Variants in EPM2A observed in about 807,000 individuals in gnomAD.
EPM2A encodes EPM2A glucan phosphatase, laforin, also known as laforin.
In EPM2A, 21 loss-of-function variants were observed where a neutral mutation model predicts 26.5. That is an observed-to-expected ratio of 0.79 (90% CI 0.56 to 1.14). The LOEUF (loss-of-function observed/expected upper bound fraction) is 1.14. EPM2A is among the 50% of genes most tolerant of loss of function. The pLI, the probability that EPM2A is intolerant of heterozygous loss-of-function variation, is 0.00. For synonymous variants in EPM2A, 217 were observed against 177.6 expected (o/e 1.22, Z -1.76); for missense variants, 458 against 440.8 (o/e 1.04, Z -0.35).
intron 2 of EPM2A, chr6:145,502,628 G>T: frequency 2.1e-6 from 1 of 469,992 alleles, no homozygotes. Flanking sequence ...CACAGTGCCA[G>T]CCTTGCTCAA....
intron 2 of EPM2A, among the ~76,000 whole-genome samples, chr6:145,566,708 T>C (rs181277322): frequency 2.2e-3 from 336 of 152,312 alleles, no homozygotes; most frequent in Non-Finnish European, 4.5e-3. Context: ...CCTTGCAAAA[T>C]GCCAGTAAAT....
At chr6:145,482,824 T>C (rs1779626311) in intron 4 of EPM2A, among the ~76,000 whole-genome samples, 1 of 151,998 alleles carries the variant, frequency 6.6e-6, no homozygotes, top group South Asian at 2.1e-4. Flanking sequence ...ATACTCTTTG[T>C]TTCATTGCAT....
intron 2 of EPM2A, among the ~76,000 whole-genome samples, chr6:145,651,214 A>G (rs950231616): frequency 6.6e-6 from 1 of 152,232 alleles, no homozygotes; most frequent in African/African-American, 2.4e-5. Context: ...TAGAGGAAAT[A>G]TAATTTAGTG....
intron 4 of EPM2A, among the ~76,000 whole-genome samples, chr6:145,401,652 A>G (rs1778492312): frequency 6.6e-6 from 1 of 152,088 alleles, no homozygotes; most frequent in Admixed American, 6.6e-5. Context: ...CATGGGCTGA[A>G]TCTCCATCAT....
intron 2 of EPM2A, among the ~76,000 whole-genome samples, chr6:145,580,445 G>T (rs913723712): frequency 2.0e-5 from 3 of 151,862 alleles, no homozygotes; most frequent in Non-Finnish European, 4.4e-5. Context: ...TTTAAGAATG[G>T]CATTTTATTT....
At chr6:145,477,348 C>T (rs1353174062) in intron 4 of EPM2A, among the ~76,000 whole-genome samples, 2 of 151,908 alleles carry the variant, frequency 1.3e-5, no homozygotes, top group Non-Finnish European at 2.9e-5. Context: ...TTCTACCAAA[C>T]ATTTAAAGAA....
intron 2 of EPM2A, among the ~76,000 whole-genome samples, chr6:145,614,233 G>A (rs988536259): frequency 6.6e-6 from 1 of 152,056 alleles, no homozygotes; most frequent in African/African-American, 2.4e-5. Context: ...CAACCTCCTC[G>A]CCTTTCTCAG....
At chr6:145,690,180 G>A (rs1002991606) in intron 1 of EPM2A, among the ~76,000 whole-genome samples, 5 of 152,216 alleles carry the variant, frequency 3.3e-5, no homozygotes, top group South Asian at 2.1e-4. Context: ...CTGGAGTGGT[G>A]TCAGAAGAAT....
intron 4 of EPM2A, among the ~76,000 whole-genome samples, chr6:145,475,366 G>T (rs1438855982): frequency 1.3e-5 from 2 of 152,136 alleles, no homozygotes; most frequent in Non-Finnish European, 2.9e-5. Flanking sequence ...AACAGGAACA[G>T]AAAACCGAAC....
intron 3 of EPM2A, chr6:145,631,065 T>C (rs541071356): frequency 6.6e-6 from 1 of 152,318 alleles, no homozygotes; most frequent in Admixed American, 6.5e-5. Context: ...TACCAGCCCA[T>C]GCTGCTGCTC....
At chr6:145,478,429 A>G (rs1779567914) in intron 4 of EPM2A, among the ~76,000 whole-genome samples, 1 of 151,824 alleles carries the variant, frequency 6.6e-6, no homozygotes, top group African/African-American at 2.4e-5. Flanking sequence ...AAAGAAAATT[A>G]TAAAATGTAT....
intron 4 of EPM2A, among the ~76,000 whole-genome samples, chr6:145,399,638 ACTT>A (rs1475397855): frequency 6.6e-6 from 1 of 152,082 alleles, no homozygotes; most frequent in Non-Finnish European, 1.5e-5. Context: ...CAATTTAGAG[ACTT>A]CTTCTGGCCC....
At chr6:145,489,866 C>G (rs751991905) in intron 4 of EPM2A, 12 of 1,412,382 alleles carry the variant, frequency 8.5e-6, no homozygotes, top group Non-Finnish European at 1.2e-5. Context: ...TTTATCCATT[C>G]AAAGTGAAGC....
At chr6:145,658,251 A>G (rs1289311263) in intron 2 of EPM2A, among the ~76,000 whole-genome samples, 1 of 152,182 alleles carries the variant, frequency 6.6e-6, no homozygotes. Context: ...TTTGCATTGT[A>G]TTTATAGATA....
At chr6:145,539,652 T>G (rs1354571925) in intron 2 of EPM2A, among the ~76,000 whole-genome samples, 2 of 152,302 alleles carry the variant, frequency 1.3e-5, no homozygotes, top group African/African-American at 2.4e-5. Context: ...TGAAAATTGA[T>G]GAAGGGACTA....
rs9497342 is a variant in EPM2A at position 145,547,627 on chromosome 6, T to G, written c.341-45052A>C. 7.7e-3 allele frequency among the ~76,000 whole-genome samples: 1,170 copies of G among 152,250 alleles called. 16 individuals carry two copies. Among genetic ancestry groups the G allele is most frequent in the African/African-American group, 0.027 (1,114 of 41,560 alleles). ...ATAATATATACCTTGTAAAATTATG[T>G]TACACATTTTTACTGTATAGGCTAC... On this transcript the variant is annotated intron_variant, in intron 2 of 3. Transcript: ENST00000450221.
rs931854223 is a variant in EPM2A at position 145,489,654 on chromosome 6, T to C, written c.555+12868A>G. 22 of 1,321,072 alleles carry C rather than the reference T, an allele frequency of 1.7e-5. No homozygotes were observed. The Admixed American group carries it at 2.6e-4, about 16-fold the overall frequency. The allele number at this position is 1,321,072 out of a possible 1,614,324, so 81.8% of individuals were successfully genotyped here. On this transcript the variant is annotated intron_variant, in intron 4 of 4. Coordinates refer to the EPM2A transcript ENST00000638717. ...TTCATTCTAAAACCAGCATAGCTGT[T>C]CTGTCCTCATTCTCTGCCTTTTCAG...
intron 2 of EPM2A, among the ~76,000 whole-genome samples, chr6:145,648,292 G>A (rs535836166): frequency 2.0e-4 from 31 of 152,284 alleles, no homozygotes; most frequent in Middle Eastern, 3.4e-3. Context: ...GAACCAGAGA[G>A]ATTCATAGCA....
At chr6:145,608,336 A>AGCAT (rs1775312579) in intron 2 of EPM2A, among the ~76,000 whole-genome samples, 1 of 152,218 alleles carries the variant, frequency 6.6e-6, no homozygotes, top group South Asian at 2.1e-4. Flanking sequence ...TTCAGGCACA[A>AGCAT]GCATGCATGC....
Sources: gnomAD v4.1 joint callset for allele counts (sites outside exome capture counted in the v4.1 genomes callset) on GRCh38, gnomAD v4.1.1 for gene constraint, MANE v1.5 for transcripts, NCBI Gene and HGNC (gene_info 2026-07-23, HGNC 2026-07-21) for gene names.